Variants in CBARP observed in about 807,000 individuals in gnomAD.
CBARP encodes CACN subunit beta associated regulatory protein, also known as voltage-dependent calcium channel beta subunit-associated regulatory protein.
In CBARP, 24 loss-of-function variants were observed where a neutral mutation model predicts 36.3. That is an observed-to-expected ratio of 0.66 (90% CI 0.48 to 0.93). CBARP has a LOEUF of 0.93. Ranked by LOEUF, CBARP falls within the 40% of genes least tolerant of loss-of-function variation. The pLI is 0.00. For synonymous variants in CBARP, 586 were observed against 453.2 expected (o/e 1.29, Z -3.72); for missense variants, 1,146 against 980.4 (o/e 1.17, Z -2.26).
At position 1,234,253 on chromosome 19, in the gene CBARP, C is replaced by A; in HGVS notation, c.706G>T (p.Gly236Cys). ...CTGATCTCTGCGAAGTCAGTGGCGC[C>A]CGCGGCTGAGTTGTAGGGGTCACCT... ...LPGDPYNSAA[G>C]ATDFAEISPS... The change falls in exon 7 of 10, where the codon GGC becomes TGC. Residue 236 changes from glycine (G) to cysteine (C), a missense_variant. Coordinates refer to ENST00000650044, the MANE Select transcript of CBARP (RefSeq NM_001393918.1). The A allele has an allele frequency of 6.8e-7, 1 of 1,480,218 alleles. No individual in the cohort carries two copies. The highest frequency in any genetic ancestry group is 1.4e-5 in the African/African-American group (1 of 70,756). 91.7% of individuals were successfully genotyped at this position (1,480,218 alleles called of 1,614,324 possible).
intron 4 of CBARP, 74 bp from the exon 5 acceptor site, chr19:1,235,219 T>C: frequency 7.3e-7 from 1 of 1,370,350 alleles, no homozygotes; most frequent in Non-Finnish European, 9.5e-7. Context: ...GGGCTGCTCC[T>C]CCGGGCGGCC....
At chr19:1,233,658 G>C (rs768872000) in intron 7 of CBARP, 22 bp from the exon 8 acceptor site, 1 of 1,594,950 alleles carries the variant, frequency 6.3e-7, no homozygotes, top group Non-Finnish European at 8.5e-7. Flanking sequence ...CAGAGATGGC[G>C]CTCAGGCTAA....
chr19:1,234,664 A>G lies in CBARP; in HGVS notation c.534T>C (p.Ile178=), dbSNP rs540388676. 4 of 1,612,612 alleles carry G rather than the reference A, an allele frequency of 2.5e-6. No individual in the cohort carries two copies. The South Asian group carries it at 4.4e-5, about 18-fold the overall frequency. The change falls in exon 6 of 10, where the codon ATT becomes ATC. Residue 178 remains isoleucine (I), a synonymous_variant. Transcript: ENST00000650044. ...CTGAGTCACACTCGTGGATGGTGAC[A>G]ATCTTGAGGGGCGGCAGGTGCAGGT... ...LTHLHLPPLK[I]VTIHECDSGE... is the part of the protein sequence containing the mutation.
At chr19:1,235,306 ACT>A in intron 4 of CBARP, 161 bp from the exon 5 acceptor site, 1 of 1,046,296 alleles carries the variant, frequency 9.6e-7, no homozygotes, top group South Asian at 1.9e-5. Context: ...CCGCTCACAC[ACT>A]CACTCGCTCA....
At position 1,234,554 on chromosome 19, in the gene CBARP, G is replaced by GCTGC; in HGVS notation, c.627+13_627+16dup. ...TCCCGTCCCCCGAGGAACCGGGGCT[G>GCTGC]CTGCCCATAGGCTCACCTGGAAGAT... On this transcript the variant is annotated intron_variant, in intron 6 of 9. Coordinates refer to ENST00000650044, the MANE Select transcript of CBARP (RefSeq NM_001393918.1). 2 of 1,588,768 alleles carry GCTGC rather than the reference G, an allele frequency of 1.3e-6. No individual in the cohort carries two copies. Among genetic ancestry groups the GCTGC allele is most frequent in the Non-Finnish European group, 1.7e-6 (2 of 1,167,810 alleles).
intron 1 of CBARP, among the ~76,000 whole-genome samples, chr19:1,236,433 A>G (rs917850756): frequency 3.9e-5 from 6 of 152,102 alleles, no homozygotes; most frequent in Non-Finnish European, 8.8e-5. Context: ...CAGGCCCTGG[A>G]GCTCAGCGCT....
Position 1,230,686 on chromosome 19 carries a change from C to T in CBARP, c.1154+415G>A, listed in dbSNP as rs979713491. ...GGGCCCTGGGCTTCAGGGAAGTTGC[C>T]CTTGGGTTGGGGGAGGGGTGCTGCT... On this transcript the variant is annotated intron_variant, in intron 9 of 9. Transcript: ENST00000650044. 5.5e-6 allele frequency: 7 copies of T among 1,279,644 alleles called. No homozygotes were observed. In the Admixed American group the frequency reaches 1.5e-4, roughly 27 times the overall value. 79.3% of individuals were successfully genotyped at this position (1,279,644 alleles called of 1,614,324 possible). A position where few individuals can be genotyped will look rare whatever the true frequency, so the allele number is the denominator to read the frequency against.
At position 1,229,981 on chromosome 19, in the gene CBARP, C is replaced by A; in HGVS notation, c.1316G>T (p.Ser439Ile). The A allele has an allele frequency of 8.2e-7, 1 of 1,226,308 alleles. No homozygotes were observed. Among genetic ancestry groups the A allele is most frequent in the Admixed American group, 2.9e-5 (1 of 34,212 alleles). The allele number at this position is 1,226,308 out of a possible 1,614,324, so 76.0% of individuals were successfully genotyped here. Reference protein sequence around the residue: ...QAQTSYRDLWSLRASLELHAA... With the variant: ...QAQTSYRDLWILRASLELHAA... ...ATGCAGCTCAAGCGAGGCGCGCAGG[C>A]TCCACAGGTCGCGGTAGCTGGTCTG... Residue 439 changes from serine to isoleucine, a missense_variant, in exon 10 of 10, where the codon AGC becomes ATC. Physicochemically the swap from Ser to Ile is moderately radical, Grantham distance 142. Coordinates refer to ENST00000650044, the MANE Select transcript of CBARP (RefSeq NM_001393918.1). This position sits in a 1 kb window ranked among gnomAD's most constrained non-coding sequence, Gnocchi z 5.1.
chr19:1,230,820 C>G, intron 9 of CBARP: 2 of 1,469,574 alleles, frequency 1.4e-6, no homozygotes, highest in Non-Finnish European at 1.8e-6. Context: ...CTTCAGGCCT[C>G]GGACTCCACC....
At position 1,236,025 on chromosome 19, in the gene CBARP, ACGT is replaced by A. The variant is rs759627640; in HGVS notation, c.73_75del (p.Thr25del). On this transcript the variant is annotated inframe_deletion, in exon 2 of 10. Coordinates refer to ENST00000650044, the MANE Select transcript of CBARP (RefSeq NM_001393918.1). ...GGGCGTCCAGTGGCATTGTCCCACG[ACGT>A]CGTCAGGGCTACTGTGGCAGTGGTG... 4 of 1,543,078 alleles carry A rather than the reference ACGT, an allele frequency of 2.6e-6. No homozygotes were observed. Among genetic ancestry groups the A allele is most frequent in the Non-Finnish European group, 3.5e-6 (4 of 1,144,186 alleles).
Position 1,233,580 on chromosome 19 carries a change from A to G in CBARP, c.825T>C (p.Pro275=). The change falls in exon 8 of 10, where the codon CCT becomes CCC. Residue 275 remains proline, a synonymous_variant. Coordinates refer to ENST00000650044, the MANE Select transcript of CBARP (RefSeq NM_001393918.1). Reference sequence around the variant, plus strand: ...CCCCGGATCCCGGGCCCGCCTCCCCAGGCCCTGCTGCAGCCCCGGGCCCTC... The same window carrying G: ...CCCCGGATCCCGGGCCCGCCTCCCCGGGCCCTGCTGCAGCCCCGGGCCCTC... The part of the protein sequence containing the change: ...KAGGPGAAAG[P]GEAGPGSGAG... 6.2e-7 allele frequency: 1 copy of G among 1,610,800 alleles called. No individual in the cohort carries two copies. Among genetic ancestry groups the G allele is most frequent in the Non-Finnish European group, 8.5e-7 (1 of 1,179,234 alleles).
At chr19:1,230,379 G>A (rs2080874275) in intron 9 of CBARP, 10 of 986,884 alleles carry the variant, frequency 1.0e-5, no homozygotes, top group East Asian at 1.1e-4. Context: ...GACTGCAGAC[G>A]GCGGGGCCCC....
At position 1,236,140 on chromosome 19, in the gene CBARP, G is replaced by T. The variant is rs1164405385; in HGVS notation, c.-21-19C>A. 7.1e-7 allele frequency: 1 copy of T among 1,406,674 alleles called. No individual in the cohort carries two copies. The highest frequency in any genetic ancestry group is 3.2e-5 in the Admixed American group (1 of 31,452). 87.1% of individuals were successfully genotyped at this position (1,406,674 alleles called of 1,614,324 possible). On this transcript the variant is annotated intron_variant, in intron 1 of 9. Coordinates refer to ENST00000650044, the MANE Select transcript of CBARP (RefSeq NM_001393918.1). Reference sequence around the variant, plus strand: ...GAGGGCCCTGTGGGGAGGAAGCCTGGTCAGCTCCAGCTAGACCTACTTCTC... The same window carrying T: ...GAGGGCCCTGTGGGGAGGAAGCCTGTTCAGCTCCAGCTAGACCTACTTCTC...
Position 1,235,809 on chromosome 19 carries a change from C to G in CBARP, c.215G>C (p.Arg72Pro). Residue 72 changes from arginine (R) to proline (P), a missense_variant, in exon 3 of 10, where the codon CGC (arginine) becomes CCC (proline). Arg to Pro is a moderately radical substitution (Grantham distance 103). Transcript: ENST00000650044. ...VLSGVLLLCK[R>P]CWDVHQRLNR... ...GAGGCGCTGGTGGACGTCCCAGCAG[C>G]GCTTGCAGAGGAGCAGGACGCCAGA... is the stretch of plus-strand genomic sequence containing the variant. The G allele has an allele frequency of 6.2e-7, 1 of 1,609,482 alleles. No individual in the cohort carries two copies. The highest frequency in any genetic ancestry group is 2.2e-5 in the East Asian group (1 of 44,890).
At position 1,235,801 on chromosome 19, in the gene CBARP, C is replaced by T. The variant is rs1264858736; in HGVS notation, c.223G>A (p.Asp75Asn). The T allele has an allele frequency of 6.2e-7, 1 of 1,608,790 alleles. No individual in the cohort carries two copies. The highest frequency in any genetic ancestry group is 1.3e-5 in the African/African-American group (1 of 74,924). ...CACCTGTTGAGGCGCTGGTGGACGT[C>T]CCAGCAGCGCTTGCAGAGGAGCAGG... ...GVLLLCKRCW[D>N]VHQRLNRAME... is the part of the protein sequence containing the mutation. The change falls in exon 3 of 10, where the codon GAC becomes AAC. Residue 75 changes from aspartate (D) to asparagine (N), a missense_variant. Physicochemically the swap from Asp to Asn is conservative, Grantham distance 23. Coordinates refer to ENST00000650044, the MANE Select transcript of CBARP (RefSeq NM_001393918.1).
At chr19:1,231,306 C>T (rs368262576) in intron 8 of CBARP, 31 bp from the exon 9 acceptor site, 37 of 1,587,848 alleles carry the variant, frequency 2.3e-5, no homozygotes, top group African/African-American at 5.3e-5. Context: ...AAGCGTCAGC[C>T]GGCATGTGCC....
At chr19:1,237,672 C>T (rs1469695702) in intron 1 of CBARP, 84 bp downstream of exon 1, 1 of 151,948 alleles carries the variant, frequency 6.6e-6, no homozygotes, top group East Asian at 1.9e-4. Context: ...CGCGCCCTCC[C>T]TCCGGCCGCT....
rs552097227 is a variant in CBARP at position 1,237,243 on chromosome 19, C to T, written c.-22+513G>A. Among the ~76,000 whole-genome samples the T allele has an allele frequency of 6.1e-3, 935 of 152,312 alleles. 8 individuals carry two copies. Among genetic ancestry groups the T allele is most frequent in the South Asian group, 0.016 (76 of 4,830 alleles). ...TCCCGGCGGGGGCTGGTGTCCTCAGCGCTCCCGGTCACAGGCTGCCCGGGC... is the reference window on the plus strand; with the variant it reads ...TCCCGGCGGGGGCTGGTGTCCTCAGTGCTCCCGGTCACAGGCTGCCCGGGC... On this transcript the variant is annotated intron_variant, in intron 1 of 9. Coordinates refer to ENST00000650044, the MANE Select transcript of CBARP (RefSeq NM_001393918.1).
At position 1,236,272 on chromosome 19, in the gene CBARP, C is replaced by T. The variant is rs950061163; in HGVS notation, c.-21-151G>A. Among the ~76,000 whole-genome samples the T allele has an allele frequency of 5.5e-4, 84 of 152,292 alleles. 3 individuals carry two copies. The highest frequency in any genetic ancestry group is 4.4e-5 in the Non-Finnish European group (3 of 68,004). On this transcript the variant is annotated intron_variant, in intron 1 of 9. Transcript: ENST00000650044. ...AGCAGAGCCGGAGGCAGCCTCCACC[C>T]GGCTTGGCTCTGCCCAGCGGGCCCC...
Sources: gnomAD v4.1 joint callset for allele counts (sites outside exome capture counted in the v4.1 genomes callset) on GRCh38, gnomAD v4.1.1 for gene constraint, Gnocchi (gnomAD v3.1) non-coding constraint, MANE v1.5 for transcripts, NCBI Gene and HGNC (gene_info 2026-07-23, HGNC 2026-07-21) for gene names.